SUGCT: variants seen among roughly 807,000 people sequenced by gnomAD.
SUGCT encodes the protein succinyl-CoA:glutarate CoA-transferase.
Under a neutral mutation model 55.0 loss-of-function variants are expected in SUGCT, and 41 were observed. That is an observed-to-expected ratio of 0.74 (90% CI 0.58 to 0.97). The LOEUF (loss-of-function observed/expected upper bound fraction) is 0.97, where lower values mean the gene tolerates loss of function less well. Ranked by LOEUF, SUGCT falls within the 50% of genes least tolerant of loss-of-function variation. SUGCT has a pLI of 0.00. For missense variants in SUGCT, 568 were observed against 547.8 expected (o/e 1.04, Z -0.37); for synonymous variants, 187 against 200.4 (o/e 0.93, Z 0.56).
At chr7:40,809,932 A>G (rs1791315934) in intron 13 of SUGCT, among the ~76,000 whole-genome samples, 10 of 152,140 alleles carry the variant, frequency 6.6e-5, no homozygotes, top group Admixed American at 6.5e-4. Flanking sequence ...CTCCAGCTGC[A>G]TCCATGTTGC....
intron 6 of SUGCT, among the ~76,000 whole-genome samples, chr7:40,234,068 C>G (rs1311919379): frequency 6.6e-6 from 1 of 152,112 alleles, no homozygotes; most frequent in Non-Finnish European, 1.5e-5. Context: ...TTGTTCTAAG[C>G]TGAACAAAAA....
the SUGCT span, among the ~76,000 whole-genome samples, chr7:40,947,488 C>A: frequency 1.4e-5 from 2 of 146,344 alleles, no homozygotes; most frequent in Non-Finnish European, 3.0e-5. Context: ...GCATGTGGGC[C>A]ATACTTTCTC....
intron 9 of SUGCT, among the ~76,000 whole-genome samples, chr7:40,382,824 G>A (rs1481288949): frequency 6.6e-6 from 1 of 152,100 alleles, no homozygotes; most frequent in Admixed American, 6.6e-5. Context: ...GTTGTGAGAT[G>A]ACGTACTCAT....
chr7:41,022,240 A>G, the SUGCT span, among the ~76,000 whole-genome samples: 1 of 152,160 alleles, frequency 6.6e-6, no homozygotes, highest in Non-Finnish European at 1.5e-5. Context: ...AAAAAATAAA[A>G]TAATAATCTT....
At chr7:40,990,294 T>C in the SUGCT span, among the ~76,000 whole-genome samples, 1 of 152,252 alleles carries the variant, frequency 6.6e-6, no homozygotes, top group African/African-American at 2.4e-5. Context: ...TAACATTTTA[T>C]TAGTTTGGTG....
At chr7:40,915,903 G>C in the SUGCT span, among the ~76,000 whole-genome samples, 1 of 152,072 alleles carries the variant, frequency 6.6e-6, no homozygotes, top group Non-Finnish European at 1.5e-5. Flanking sequence ...ATTGTATATT[G>C]GGCATGTTGG....
chr7:40,451,551 G>A (rs1789191982), intron 10 of SUGCT, among the ~76,000 whole-genome samples: 1 of 152,170 alleles, frequency 6.6e-6, no homozygotes, highest in African/African-American at 2.4e-5. Flanking sequence ...TCATATGAGA[G>A]TTAGGAATGA....
At chr7:40,819,061 G>C (rs943771967) in intron 13 of SUGCT, among the ~76,000 whole-genome samples, 1 of 151,744 alleles carries the variant, frequency 6.6e-6, no homozygotes, top group African/African-American at 2.4e-5. Context: ...TTCCAGCTTC[G>C]TCCATGTCCC....
the SUGCT span, among the ~76,000 whole-genome samples, chr7:40,870,007 TAA>T: frequency 3.7e-4 from 57 of 152,308 alleles, no homozygotes; most frequent in African/African-American, 1.3e-3. Context: ...AAGTTCCCCT[TAA>T]AAGTCCTGGG....
chr7:40,711,259 C>G (rs1233006069), intron 12 of SUGCT, among the ~76,000 whole-genome samples: 1 of 152,210 alleles, frequency 6.6e-6, no homozygotes, highest in African/African-American at 2.4e-5. Context: ...TGCCTGTAAT[C>G]CCAGCACTTT....
the SUGCT span, among the ~76,000 whole-genome samples, chr7:40,937,652 T>C: frequency 2.0e-5 from 3 of 152,234 alleles, no homozygotes; most frequent in African/African-American, 7.2e-5. Context: ...AATTTTGCTA[T>C]TTGTTTCTAG....
the SUGCT span, among the ~76,000 whole-genome samples, chr7:40,875,305 G>C: frequency 4.0e-4 from 61 of 152,282 alleles, no homozygotes; most frequent in East Asian, 0.012. Context: ...TTTCCATGGG[G>C]AGGATGTGCT....
chr7:40,455,331 C>T (rs1789423376), intron 10 of SUGCT, among the ~76,000 whole-genome samples: 1 of 152,054 alleles, frequency 6.6e-6, no homozygotes, highest in Non-Finnish European at 1.5e-5. Context: ...ATAAACTGAT[C>T]TAAGTCATTC....
At chr7:40,327,109 G>C (rs1167551183) in intron 9 of SUGCT, among the ~76,000 whole-genome samples, 1 of 152,152 alleles carries the variant, frequency 6.6e-6, no homozygotes. Flanking sequence ...TTCAAAAGTT[G>C]GTTTTCTGGT....
At chr7:40,866,737 T>C in the SUGCT span, among the ~76,000 whole-genome samples, 1 of 151,992 alleles carries the variant, frequency 6.6e-6, no homozygotes. Context: ...CTAGCTTTAC[T>C]TTCTGCAGTC....
In SUGCT at chr7:40,183,976, C is replaced by A. The variant is rs375072539; in HGVS notation, c.226+1948C>A. 7.9e-5 allele frequency among the ~76,000 whole-genome samples: 12 copies of A among 152,260 alleles called. No individual in the cohort carries two copies. The East Asian group carries it at 1.7e-3, about 22-fold the overall frequency. On this transcript the variant is annotated intron_variant, in intron 3 of 13. Coordinates refer to ENST00000335693, the MANE Select transcript of SUGCT (RefSeq NM_001193313.2). ...ATCGTTTGAGCCCAGGAGTTCAAGACCAGCCTGGCCAAGATGGTGAAACCC... is the reference window on the plus strand; with the variant it reads ...ATCGTTTGAGCCCAGGAGTTCAAGAACAGCCTGGCCAAGATGGTGAAACCC...
intron 12 of SUGCT, among the ~76,000 whole-genome samples, chr7:40,729,738 G>C (rs893951677): frequency 3.3e-5 from 5 of 152,278 alleles, no homozygotes; most frequent in Admixed American, 2.0e-4. Context: ...TGAAATCAGT[G>C]AGTGAATCAT....
chr7:40,700,953 C>T (rs1785148234), intron 12 of SUGCT, among the ~76,000 whole-genome samples: 1 of 152,096 alleles, frequency 6.6e-6, no homozygotes, highest in Admixed American at 6.5e-5. Context: ...TGTAGCCAAT[C>T]CATTCTGAAA....
chr7:40,148,702 G>T (rs1488057198), intron 1 of SUGCT, among the ~76,000 whole-genome samples: 1 of 152,134 alleles, frequency 6.6e-6, no homozygotes, highest in Non-Finnish European at 1.5e-5. Flanking sequence ...CCATGATGAG[G>T]TTTATGAGCT....
Sources: allele counts gnomAD v4.1 joint callset (sites outside exome capture counted in the v4.1 genomes callset), GRCh38; gene constraint gnomAD v4.1.1; transcripts MANE v1.5; gene names NCBI Gene and HGNC (gene_info 2026-07-23, HGNC 2026-07-21).